HDAC11: variants seen among roughly 807,000 people sequenced by gnomAD.
The protein encoded by HDAC11 is histone deacetylase 11.
HDAC11 carries 23 observed loss-of-function variants against 41.1 expected under a neutral mutation model. The ratio of observed to expected loss-of-function variants is 0.56; its 90% CI spans 0.40 to 0.79. HDAC11 has a LOEUF of 0.79. HDAC11 is among the 30% of genes least tolerant of loss of function. The pLI is 0.00. For missense variants in HDAC11, 402 were observed against 477.3 expected, an observed-to-expected ratio of 0.84 and a Z score of 1.47; for synonymous variants, 187 against 186.6, an observed-to-expected ratio of 1.00 and a Z score of -0.02.
chr3:13,488,783 A>G (rs1701713588), intron 3 of HDAC11, among the ~76,000 whole-genome samples: 1 of 152,200 alleles, frequency 6.6e-6, no homozygotes. Context: ...GAGTAGAATT[A>G]CTGGGTCACA....
intron 3 of HDAC11, among the ~76,000 whole-genome samples, chr3:13,493,473 A>G (rs1331943472): frequency 2.0e-5 from 3 of 152,258 alleles, no homozygotes; most frequent in Non-Finnish European, 2.9e-5. Context: ...TGTGCAGTCC[A>G]GTCGCCACTG....
intron 3 of HDAC11, among the ~76,000 whole-genome samples, chr3:13,489,771 T>C (rs1701761943): frequency 6.6e-6 from 1 of 152,170 alleles, no homozygotes; most frequent in Non-Finnish European, 1.5e-5. Flanking sequence ...TTTCACCATG[T>C]TGGCTAGGCT....
In HDAC11 at chr3:13,480,306, G is replaced by A; in HGVS notation, c.-42G>A. The A allele has an allele frequency of 1.6e-6, 2 of 1,234,158 alleles. No homozygotes were observed. Among genetic ancestry groups the A allele is most frequent in the Non-Finnish European group, 2.0e-6 (2 of 988,984 alleles). The allele number at this position is 1,234,158 out of a possible 1,614,324, so 76.5% of individuals were successfully genotyped here. On this transcript the variant is annotated 5_prime_UTR_variant, in exon 1 of 10. Transcript: ENST00000295757. The surrounding 1 kb of genome is among the most constrained non-coding windows in gnomAD (Gnocchi z 4.6). ...ACCCGCGCCCCGCCCCGCCCCGCCCGGTCGCGGAGCTGCGGCCAGCTTTGG... is the reference window on the plus strand; with the variant it reads ...ACCCGCGCCCCGCCCCGCCCCGCCCAGTCGCGGAGCTGCGGCCAGCTTTGG...
chr3:13,480,330 G>C lies in HDAC11; in HGVS notation c.-18G>C. 8.1e-7 allele frequency: 1 copy of C among 1,228,068 alleles called. No homozygotes were observed. The highest frequency in any genetic ancestry group is 1.0e-6 in the Non-Finnish European group (1 of 985,484). 76.1% of individuals were successfully genotyped at this position (1,228,068 alleles called of 1,614,324 possible). A position where few individuals can be genotyped will look rare whatever the true frequency, so the allele number is the denominator to read the frequency against. Reference sequence around the variant, plus strand: ...CGGTCGCGGAGCTGCGGCCAGCTTTGGGAGGGCCGGCCCCGGGATGTGAGT... The same window carrying C: ...CGGTCGCGGAGCTGCGGCCAGCTTTCGGAGGGCCGGCCCCGGGATGTGAGT... On this transcript the variant is annotated 5_prime_UTR_variant, in exon 1 of 10. Coordinates refer to ENST00000295757, the MANE Select transcript of HDAC11 (RefSeq NM_024827.4). This position sits in a 1 kb window ranked among gnomAD's most constrained non-coding sequence, Gnocchi z 4.6.
At chr3:13,496,672 A>C in intron 3 of HDAC11, 64 bp from the exon 4 acceptor site, 1 of 1,080,832 alleles carries the variant, frequency 9.3e-7, no homozygotes. Flanking sequence ...CCGGGGAACC[A>C]ATTTCTCACG....
At chr3:13,499,023 G>A (rs188984637) in intron 5 of HDAC11, among the ~76,000 whole-genome samples, 6 of 151,496 alleles carry the variant, frequency 4.0e-5, no homozygotes, top group African/African-American at 1.2e-4. Context: ...CCTTCTCAAG[G>A]GTCCAGAGGG....
intron 3 of HDAC11, among the ~76,000 whole-genome samples, chr3:13,490,990 C>G (rs936594815): frequency 6.6e-6 from 1 of 151,674 alleles, no homozygotes; most frequent in Non-Finnish European, 1.5e-5. Context: ...ACCTCGTGAT[C>G]TGCCCACCTC....
At chr3:13,501,624 C>G in intron 6 of HDAC11, 1 of 698,668 alleles carries the variant, frequency 1.4e-6, no homozygotes, top group Non-Finnish European at 2.7e-6. Context: ...ACCTATGACC[C>G]TTCAGGGCAC....
At chr3:13,498,462 G>A (rs748644359) in intron 4 of HDAC11, 51 bp from the exon 5 acceptor site, 1 of 1,609,790 alleles carries the variant, frequency 6.2e-7, no homozygotes, top group South Asian at 1.1e-5. Context: ...GTGAATGAAT[G>A]ACTGGTGGAT....
rs772870373 is a variant in HDAC11, at chr3:13,502,981, G to A, written c.649+1G>A. The A allele has an allele frequency of 5.6e-6, 9 of 1,609,714 alleles. No individual in the cohort carries two copies. Among genetic ancestry groups the A allele is most frequent in the Non-Finnish European group, 8.5e-7 (1 of 1,176,264 alleles). On this transcript the variant is annotated splice_donor_variant, in intron 8 of 9. Coordinates refer to ENST00000295757, the MANE Select transcript of HDAC11 (RefSeq NM_024827.4). LOFTEE classifies it high-confidence loss of function. This position sits in a 1 kb window ranked among gnomAD's most constrained non-coding sequence, Gnocchi z 4.1. ...TACCCAGGGGACCGCTTTGCCAAGC[G>A]TAAGCTGCTGCCCCTACCCTCATCT...
At chr3:13,483,437 A>G in intron 2 of HDAC11, 27 bp from the exon 3 acceptor site, 2 of 1,599,098 alleles carry the variant, frequency 1.3e-6, no homozygotes, top group Non-Finnish European at 1.7e-6. Context: ...TCAGTGGGGA[A>G]GCAGGATGCT....
At chr3:13,500,211 G>T (rs565324173) in intron 5 of HDAC11, among the ~76,000 whole-genome samples, 5 of 152,064 alleles carry the variant, frequency 3.3e-5, no homozygotes, top group Non-Finnish European at 5.9e-5. Context: ...AGGGGAGGGG[G>T]TATCTATGGG....
rs1410676889 is a variant in HDAC11, at chr3:13,480,435, C to A, written c.2+86C>A. The A allele has an allele frequency of 4.6e-6, 4 of 873,106 alleles. No individual in the cohort carries two copies. The highest frequency in any genetic ancestry group is 5.9e-6 in the Non-Finnish European group (4 of 673,502). The allele number at this position is 873,106 out of a possible 1,614,324, so 54.1% of individuals were successfully genotyped here. On this transcript the variant is annotated intron_variant, in intron 1 of 9. Transcript: ENST00000295757. The surrounding 1 kb of genome is among the most constrained non-coding windows in gnomAD (Gnocchi z 4.6). ...TAGGGCGAGGGCGGGGACGGCCGGG[C>A]GGGCGCGCCAGGTAAGGGCCCAGAT...
chr3:13,500,892 C>G, intron 6 of HDAC11, 103 bp downstream of exon 6: 1 of 904,158 alleles, frequency 1.1e-6, no homozygotes, highest in Non-Finnish European at 1.6e-6. Context: ...GACAAGGGGC[C>G]TATGCTGGAG....
chr3:13,496,481 C>T (rs1276633018), intron 3 of HDAC11: 8 of 363,390 alleles, frequency 2.2e-5, no homozygotes, highest in South Asian at 3.7e-5. Context: ...GGCCTCAGAA[C>T]GCTGAGGAAC....
chr3:13,496,970 T>A, intron 4 of HDAC11, 118 bp downstream of exon 4: 1 of 525,758 alleles, frequency 1.9e-6, no homozygotes, highest in Non-Finnish European at 3.4e-6. Context: ...ATCCTAAATA[T>A]TCCTCAAGGC....
At chr3:13,487,592 T>G (rs1701656184) in intron 3 of HDAC11, among the ~76,000 whole-genome samples, 1 of 152,216 alleles carries the variant, frequency 6.6e-6, no homozygotes, top group African/African-American at 2.4e-5. Context: ...GCCCCAGCAC[T>G]GGGCTCTTGC....
Position 13,484,888 on chromosome 3 carries a change from A to T in HDAC11, c.252+1324A>T, listed in dbSNP as rs71306060. 7.2e-3 allele frequency among the ~76,000 whole-genome samples: 1,088 copies of T among 151,964 alleles called. 7 individuals carry two copies. Among genetic ancestry groups the T allele is most frequent in the South Asian group, 9.8e-3 (47 of 4,820 alleles). ...AGGGGAGGTTGGGGCGGGGGCTTGCATTGGAATCTGGTACTGCCAGCCTGC... is the reference window on the plus strand; with the variant it reads ...AGGGGAGGTTGGGGCGGGGGCTTGCTTTGGAATCTGGTACTGCCAGCCTGC... On this transcript the variant is annotated intron_variant, in intron 3 of 9. Transcript: ENST00000295757.
chr3:13,490,443 C>A (rs1180685554), intron 3 of HDAC11, among the ~76,000 whole-genome samples: 2 of 152,130 alleles, frequency 1.3e-5, no homozygotes, highest in African/African-American at 2.4e-5. Context: ...GTTTTGCCAT[C>A]TTAACAATAT....
Sources: allele counts gnomAD v4.1 joint callset (sites outside exome capture counted in the v4.1 genomes callset), GRCh38; gene constraint gnomAD v4.1.1; non-coding constraint Gnocchi (gnomAD v3.1); transcripts MANE v1.5; gene names NCBI Gene and HGNC (gene_info 2026-07-23, HGNC 2026-07-21).